The following NAALADL2 variants were observed in gnomAD, a reference collection of about 807,000 sequenced individuals.
NAALADL2 encodes N-acetylated alpha-linked acidic dipeptidase like 2, also known as inactive N-acetylated-alpha-linked acidic dipeptidase-like protein 2.
In NAALADL2, 76 loss-of-function variants were observed where a neutral mutation model predicts 87.2. The observed-to-expected ratio is 0.87, with a 90% CI of 0.72 to 1.05. The LOEUF (loss-of-function observed/expected upper bound fraction) is 1.05, where lower values mean the gene tolerates loss of function less well. Among genes scored for constraint, NAALADL2 ranks in the 50% least tolerant of loss-of-function variants. The probability of loss-of-function intolerance (pLI) is 0.00; values close to 1 mark genes in which losing one functional copy is unlikely to be tolerated. For synonymous variants in NAALADL2, 354 were observed against 331.0 expected, an observed-to-expected ratio of 1.07 and a Z score of -0.75; for missense variants, 1,089 against 945.8, an observed-to-expected ratio of 1.15 and a Z score of -1.99.
At chr3:174,884,456 G>A (rs540203794) in intron 1 of NAALADL2, among the ~76,000 whole-genome samples, 17 of 152,276 alleles carry the variant, frequency 1.1e-4, no homozygotes, top group South Asian at 6.2e-4. Flanking sequence ...AATTCCATGA[G>A]CATGAGCCCA....
chr3:175,369,011 A>C (rs1356312460), intron 5 of NAALADL2, among the ~76,000 whole-genome samples: 1 of 152,190 alleles, frequency 6.6e-6, no homozygotes, highest in Non-Finnish European at 1.5e-5. Flanking sequence ...TGAAGGCCTA[A>C]GACGTTACTA....
chr3:174,632,309 T>G (rs1264584244), intron 2 of NAALADL2, among the ~76,000 whole-genome samples: 1 of 152,224 alleles, frequency 6.6e-6, no homozygotes, highest in Non-Finnish European at 1.5e-5. Flanking sequence ...ATCCAGGCTT[T>G]GAGCAGTAAA....
At chr3:175,566,219 G>A (rs1717130712) in intron 9 of NAALADL2, among the ~76,000 whole-genome samples, 1 of 152,064 alleles carries the variant, frequency 6.6e-6, no homozygotes, top group Non-Finnish European at 1.5e-5. Flanking sequence ...AGTTCAGAGG[G>A]AATTTTAAAA....
intron 2 of NAALADL2, among the ~76,000 whole-genome samples, chr3:174,575,582 A>G (rs916556740): frequency 6.6e-6 from 1 of 152,186 alleles, no homozygotes; most frequent in Non-Finnish European, 1.5e-5. Context: ...TTTGTGTAAC[A>G]GTGGCCAGAA....
intron 1 of NAALADL2, among the ~76,000 whole-genome samples, chr3:175,004,692 C>G (rs1369192242): frequency 6.6e-6 from 1 of 152,078 alleles, no homozygotes; most frequent in African/African-American, 2.4e-5. Flanking sequence ...GATAGTGACA[C>G]TTTTGATTTC....
intron 3 of NAALADL2, among the ~76,000 whole-genome samples, chr3:174,831,834 T>TG (rs1175750559): frequency 2.0e-5 from 3 of 150,900 alleles, no homozygotes; most frequent in African/African-American, 7.3e-5. Context: ...GGTTTAGTCT[T>TG]GGGAGAGTGT....
chr3:174,448,358 T>C (rs1329032145), intron 1 of NAALADL2, among the ~76,000 whole-genome samples: 1 of 152,016 alleles, frequency 6.6e-6, no homozygotes, highest in Non-Finnish European at 1.5e-5. Context: ...AGCTATTTCA[T>C]CACCACAAAT....
chr3:174,838,428 T>C (rs1723622127), intron 3 of NAALADL2, among the ~76,000 whole-genome samples: 1 of 151,968 alleles, frequency 6.6e-6, no homozygotes, highest in South Asian at 2.1e-4. Flanking sequence ...CTGTGAGAAA[T>C]CGAACAAGGC....
chr3:175,377,499 C>A (rs1182730965), intron 5 of NAALADL2, among the ~76,000 whole-genome samples: 1 of 152,072 alleles, frequency 6.6e-6, no homozygotes, highest in Non-Finnish European at 1.5e-5. Context: ...TACATGGCTG[C>A]ACATACAGAT....
intron 13 of NAALADL2, among the ~76,000 whole-genome samples, chr3:175,772,365 C>A (rs1406327591): frequency 6.6e-6 from 1 of 152,032 alleles, no homozygotes; most frequent in African/African-American, 2.4e-5. Context: ...AGTTGACTCC[C>A]TGATAAACTA....
chr3:175,043,206 T>G (rs780060172), intron 1 of NAALADL2, among the ~76,000 whole-genome samples: 4 of 152,134 alleles, frequency 2.6e-5, no homozygotes, highest in African/African-American at 7.2e-5. Flanking sequence ...TTTTAAAATA[T>G]GGTTATTTGA....
intron 11 of NAALADL2, among the ~76,000 whole-genome samples, chr3:175,651,255 A>C (rs1730724212): frequency 6.6e-6 from 1 of 152,196 alleles, no homozygotes; most frequent in Non-Finnish European, 1.5e-5. Context: ...GAACAACAAA[A>C]CTGTTATTTT....
intron 1 of NAALADL2, among the ~76,000 whole-genome samples, chr3:174,966,264 C>T (rs190202547): frequency 3.3e-5 from 5 of 152,260 alleles, no homozygotes; most frequent in East Asian, 1.9e-4. Context: ...TTTTCTCCCT[C>T]GGCCTGTCAT....
At chr3:175,679,869 G>A (rs1247547587) in intron 11 of NAALADL2, among the ~76,000 whole-genome samples, 1 of 151,976 alleles carries the variant, frequency 6.6e-6, no homozygotes, top group Non-Finnish European at 1.5e-5. Context: ...CAAATAAGCA[G>A]AAATAGAATT....
intron 3 of NAALADL2, among the ~76,000 whole-genome samples, chr3:174,790,957 A>G (rs1256382210): frequency 1.3e-5 from 2 of 152,310 alleles, no homozygotes; most frequent in African/African-American, 4.8e-5. Context: ...ACTTTAGTCT[A>G]CATTTTGCGT....
Position 174,950,718 on chromosome 3 carries a change from A to C in NAALADL2, c.43+91268A>C, listed in dbSNP as rs555684278. 1.1e-4 allele frequency among the ~76,000 whole-genome samples: 17 copies of C among 152,298 alleles called. No individual in the cohort carries two copies. In the South Asian group the frequency reaches 3.3e-3, roughly 30 times the overall value. ...TTTGAAACAATTTTAGCATGCCACT[A>C]TAAAAGGCTAGTCAAACAATTCATA... On this transcript the variant is annotated intron_variant, in intron 1 of 13. Transcript: ENST00000454872.
At chr3:175,394,397 A>G (rs1769495278) in intron 5 of NAALADL2, among the ~76,000 whole-genome samples, 1 of 152,212 alleles carries the variant, frequency 6.6e-6, no homozygotes, top group African/African-American at 2.4e-5. Context: ...TCTGGAGGTG[A>G]TGGATAACTT....
At chr3:175,252,299 T>A (rs747523036) in intron 3 of NAALADL2, among the ~76,000 whole-genome samples, 1 of 152,196 alleles carries the variant, frequency 6.6e-6, no homozygotes, top group Non-Finnish European at 1.5e-5. Context: ...TCCTGCAATA[T>A]TCCAATCTTT....
chr3:175,396,730 A>T lies in NAALADL2; in HGVS notation c.1091-50499A>T, dbSNP rs148325204. ...GGTGGGAGGTAATTCAATCATGGGG[A>T]TGGTTATGTCCATGCTGTTCTTGTG... On this transcript the variant is annotated intron_variant, in intron 5 of 13. Coordinates refer to ENST00000454872, the MANE Select transcript of NAALADL2 (RefSeq NM_207015.3). Among the ~76,000 whole-genome samples, 742 of 152,078 alleles carry T rather than the reference A, an allele frequency of 4.9e-3. 6 individuals carry two copies. Among genetic ancestry groups the T allele is most frequent in the African/African-American group, 0.015 (638 of 41,500 alleles).
Sources: gnomAD v4.1 joint callset for allele counts (sites outside exome capture counted in the v4.1 genomes callset) on GRCh38, gnomAD v4.1.1 for gene constraint, MANE v1.5 for transcripts, NCBI Gene and HGNC (gene_info 2026-07-23, HGNC 2026-07-21) for gene names.